Variants in SYT14 observed in about 807,000 individuals in gnomAD.
SYT14 encodes synaptotagmin 14, also known as synaptotagmin-14.
Under a neutral mutation model 74.2 loss-of-function variants are expected in SYT14, and 32 were observed. The ratio of observed to expected loss-of-function variants is 0.43; its 90% CI spans 0.33 to 0.58. The LOEUF (loss-of-function observed/expected upper bound fraction) is 0.58, where lower values mean the gene tolerates loss of function less well. SYT14 is among the 20% of genes least tolerant of loss of function. The pLI is 0.05. For missense variants in SYT14, 791 were observed against 981.8 expected, an observed-to-expected ratio of 0.81 and a Z score of 2.60; for synonymous variants, 298 against 337.7, an observed-to-expected ratio of 0.88 and a Z score of 1.29.
At chr1:210,117,984 T>TA (rs2082392085) in intron 7 of SYT14, among the ~76,000 whole-genome samples, 1 of 152,218 alleles carries the variant, frequency 6.6e-6, no homozygotes. Context: ...AAGTGTGTAT[T>TA]ATGTTTTTCA....
intron 7 of SYT14, among the ~76,000 whole-genome samples, chr1:210,133,201 A>C (rs939687565): frequency 6.6e-6 from 1 of 152,312 alleles, no homozygotes; most frequent in Admixed American, 6.5e-5. Context: ...TTTCTAGCAA[A>C]GCATCTTAGC....
At chr1:210,131,211 C>A (rs1042252471) in intron 7 of SYT14, among the ~76,000 whole-genome samples, 1 of 152,134 alleles carries the variant, frequency 6.6e-6, no homozygotes, top group Non-Finnish European at 1.5e-5. Context: ...CTACTACCAT[C>A]ACCGCTGTGA....
At chr1:209,945,737 A>G (rs1326164021) in intron 1 of SYT14, among the ~76,000 whole-genome samples, 1 of 152,214 alleles carries the variant, frequency 6.6e-6, no homozygotes, top group Non-Finnish European at 1.5e-5. Flanking sequence ...ACAAAAAAAT[A>G]CAGTTGATTT....
At chr1:210,039,134 T>C (rs1373953719) in intron 5 of SYT14, among the ~76,000 whole-genome samples, 1 of 152,076 alleles carries the variant, frequency 6.6e-6, no homozygotes, top group Non-Finnish European at 1.5e-5. Flanking sequence ...TCTGACTGGA[T>C]TAATTCAAAA....
chr1:209,989,847 C>G (rs1395278790), intron 2 of SYT14, among the ~76,000 whole-genome samples: 3 of 151,978 alleles, frequency 2.0e-5, no homozygotes, highest in Non-Finnish European at 1.5e-5. Context: ...ATTATTGTTG[C>G]TTTAGATGTC....
At chr1:209,950,970 G>A (rs1227870772) in intron 1 of SYT14, among the ~76,000 whole-genome samples, 1 of 152,040 alleles carries the variant, frequency 6.6e-6, no homozygotes, top group East Asian at 1.9e-4. Context: ...ATGTCTACAT[G>A]GTAGTAACTA....
chr1:210,091,463 C>T (rs1016185481), intron 5 of SYT14, among the ~76,000 whole-genome samples: 2 of 152,238 alleles, frequency 1.3e-5, no homozygotes, highest in East Asian at 1.9e-4. Flanking sequence ...CCGAGGCAGG[C>T]GGATTGCTTG....
chr1:209,962,501 A>G (rs2079091907), intron 2 of SYT14, among the ~76,000 whole-genome samples: 2 of 152,094 alleles, frequency 1.3e-5, no homozygotes, highest in Non-Finnish European at 2.9e-5. Context: ...TTCATTTACA[A>G]TTTAGTAGAA....
exon 10 of SYT14, chr1:210,160,733 A>G (rs760441191): frequency 1.9e-6 from 3 of 1,613,398 alleles, no homozygotes; most frequent in African/African-American, 2.7e-5. Flanking sequence ...CTTTAGATAC[A>G]TATGTTAAGT....
At chr1:210,134,103 A>T (rs2082732946) in intron 7 of SYT14, among the ~76,000 whole-genome samples, 1 of 151,894 alleles carries the variant, frequency 6.6e-6, no homozygotes, top group Non-Finnish European at 1.5e-5. Flanking sequence ...ATGCAGTCTC[A>T]TTCTGTCACC....
At chr1:210,099,078 A>C (rs2082015198) in intron 6 of SYT14, among the ~76,000 whole-genome samples, 1 of 152,176 alleles carries the variant, frequency 6.6e-6, no homozygotes, top group Non-Finnish European at 1.5e-5. Flanking sequence ...AAATTTAGAA[A>C]ATTTTAGAAA....
Position 209,938,287 on chromosome 1 carries a change from G to C in SYT14, c.-534+10G>C, listed in dbSNP as rs370896632. 1.3e-6 allele frequency: 2 copies of C among 1,557,274 alleles called. No homozygotes were observed. The highest frequency in any genetic ancestry group is 2.8e-5 in the African/African-American group (2 of 70,868). On this transcript the variant is annotated intron_variant, in intron 1 of 9. Coordinates refer to ENST00000637265, the Ensembl canonical transcript of SYT14. ...ATCATGGCGATTGAAGGTAAGTGGA[G>C]GCTGACAGCGGGGAGCGAGGACCGG...
At chr1:209,944,649 T>C (rs1002454771) in intron 1 of SYT14, among the ~76,000 whole-genome samples, 1 of 152,164 alleles carries the variant, frequency 6.6e-6, no homozygotes, top group African/African-American at 2.4e-5. Flanking sequence ...TTTTTCAGAC[T>C]ATTTTAATTC....
chr1:210,080,510 G>A (rs922056656), intron 5 of SYT14, among the ~76,000 whole-genome samples: 2 of 152,134 alleles, frequency 1.3e-5, no homozygotes, highest in Admixed American at 6.5e-5. Context: ...GTGAGTTCAT[G>A]ACATGGGAAC....
At chr1:210,165,984 C>G (rs911442681) in exon 10 of SYT14, 9 of 152,200 alleles carry the variant, frequency 5.9e-5, no homozygotes, top group Admixed American at 4.6e-4. Flanking sequence ...AGTCTTTGCC[C>G]TCATGGGGCC....
chr1:210,162,448 T>C (rs1453100528), exon 10 of SYT14: 1 of 364,928 alleles, frequency 2.7e-6, no homozygotes, highest in East Asian at 7.7e-5. Flanking sequence ...AGGAATATTA[T>C]AAGCTGTTTT....
chr1:209,962,130 A>C (rs2079084282), intron 2 of SYT14, among the ~76,000 whole-genome samples: 1 of 152,104 alleles, frequency 6.6e-6, no homozygotes, highest in Non-Finnish European at 1.5e-5. Flanking sequence ...TCTTGTGACT[A>C]AACAGTATGT....
At position 209,990,549 on chromosome 1, in the gene SYT14, G is replaced by A. The variant is rs11119387; in HGVS notation, c.-485-23084G>A. On this transcript the variant is annotated intron_variant, in intron 2 of 9. Transcript: ENST00000637265. ...CATATATATATATACGTATATATAT[G>A]TATATATATACGTATATATATGTAT... Among the ~76,000 whole-genome samples, 47 of 56,864 alleles carry A rather than the reference G, an allele frequency of 8.3e-4. No homozygotes were observed. The East Asian group carries it at 0.023, about 27-fold the overall frequency. The allele number at this position is 56,864 out of a possible 152,430, so 37.3% of individuals were successfully genotyped here.
intron 7 of SYT14, among the ~76,000 whole-genome samples, chr1:210,145,198 A>G (rs2083005857): frequency 6.6e-6 from 1 of 152,114 alleles, no homozygotes; most frequent in African/African-American, 2.4e-5. Flanking sequence ...AAAAATTGCA[A>G]TTTTTTGCTC....
Sources: gnomAD v4.1 joint callset for allele counts (sites outside exome capture counted in the v4.1 genomes callset) on GRCh38, gnomAD v4.1.1 for gene constraint, MANE v1.5 for transcripts, NCBI Gene and HGNC (gene_info 2026-07-23, HGNC 2026-07-21) for gene names.